The following NEMP2 variants were observed in gnomAD, a reference collection of about 807,000 sequenced individuals.
The protein encoded by NEMP2 is nuclear envelope integral membrane protein 2.
Under a neutral mutation model 54.2 loss-of-function variants are expected in NEMP2, and 53 were observed. The observed-to-expected ratio is 0.98, with a 90% CI of 0.78 to 1.23. NEMP2 has a LOEUF of 1.23. Among genes scored for constraint, NEMP2 ranks in the 50% most tolerant of loss-of-function variants. The probability of loss-of-function intolerance (pLI) is 0.00; values close to 1 mark genes in which losing one functional copy is unlikely to be tolerated. For missense variants in NEMP2, 455 were observed against 511.3 expected, an observed-to-expected ratio of 0.89 and a Z score of 1.06; for synonymous variants, 197 against 190.3, an observed-to-expected ratio of 1.04 and a Z score of -0.29.
chr2:190,493,366 G>A, the NEMP2 span, among the ~76,000 whole-genome samples: 64 of 152,074 alleles, frequency 4.2e-4, no homozygotes, highest in African/African-American at 1.5e-3. Flanking sequence ...TAACACTGGA[G>A]CTCCCAAATT....
At chr2:190,587,257 A>C in the NEMP2 span, among the ~76,000 whole-genome samples, 1 of 152,164 alleles carries the variant, frequency 6.6e-6, no homozygotes, top group African/African-American at 2.4e-5. The surrounding 1 kb of genome is among the most constrained non-coding windows in gnomAD (Gnocchi z 5.4). Context: ...TCTCTGGAGC[A>C]AAGGGCAGGC....
chr2:190,476,058 A>C, the NEMP2 span, among the ~76,000 whole-genome samples: 11 of 152,208 alleles, frequency 7.2e-5, no homozygotes, highest in Non-Finnish European at 1.6e-4. Context: ...TACAGAAATT[A>C]ATTCAAGATG....
the NEMP2 span, chr2:190,454,039 C>G: frequency 2.0e-5 from 3 of 152,126 alleles, no homozygotes; most frequent in Non-Finnish European, 2.9e-5. The surrounding 1 kb of genome is among the most constrained non-coding windows in gnomAD (Gnocchi z 4.6). Flanking sequence ...CTAAATCAGT[C>G]CTTGTTTTAG....
the NEMP2 span, among the ~76,000 whole-genome samples, chr2:190,613,620 C>T: frequency 2.6e-5 from 4 of 152,088 alleles, no homozygotes; most frequent in African/African-American, 9.7e-5. Flanking sequence ...TGGAGTCTCA[C>T]TCTGTCACCC....
At chr2:190,455,295 A>G in the NEMP2 span, among the ~76,000 whole-genome samples, 1 of 152,190 alleles carries the variant, frequency 6.6e-6, no homozygotes, top group Admixed American at 6.5e-5. Flanking sequence ...ATTAAATTTT[A>G]TTAGAAATCT....
chr2:190,466,218 A>G, the NEMP2 span, among the ~76,000 whole-genome samples: 7 of 152,156 alleles, frequency 4.6e-5, no homozygotes, highest in Admixed American at 1.3e-4. Context: ...TCCAAATACA[A>G]TCACATTTTG....
At chr2:190,538,891 T>C (rs778761155), upstream of NEMP2, among the ~76,000 whole-genome samples, 2 of 152,250 alleles carry the variant, frequency 1.3e-5, no homozygotes, top group African/African-American at 2.4e-5. The surrounding 1 kb of genome is among the most constrained non-coding windows in gnomAD (Gnocchi z 4.1). Flanking sequence ...TTTGCAAATA[T>C]TTTCTCTCAT....
At chr2:190,436,696 G>C in the NEMP2 span, 2 of 1,614,160 alleles carry the variant, frequency 1.2e-6, no homozygotes, top group Non-Finnish European at 8.5e-7. This position sits in a 1 kb window ranked among gnomAD's most constrained non-coding sequence, Gnocchi z 5.3. Flanking sequence ...CATGAACAGT[G>C]AACCCACTCT....
the NEMP2 span, chr2:190,454,091 A>G: frequency 3.9e-5 from 6 of 152,186 alleles, no homozygotes; most frequent in Non-Finnish European, 8.8e-5. The surrounding 1 kb of genome is among the most constrained non-coding windows in gnomAD (Gnocchi z 4.6). Flanking sequence ...CTCGCAATTT[A>G]TAGTTTTAAC....
At chr2:190,465,266 A>G in the NEMP2 span, among the ~76,000 whole-genome samples, 1 of 152,140 alleles carries the variant, frequency 6.6e-6, no homozygotes, top group Admixed American at 6.5e-5. This position sits in a 1 kb window ranked among gnomAD's most constrained non-coding sequence, Gnocchi z 4.6. Context: ...GTTCCTCTTT[A>G]TAGATAACTT....
the NEMP2 span, chr2:190,609,307 C>A: frequency 6.6e-6 from 1 of 152,084 alleles, no homozygotes; most frequent in Non-Finnish European, 1.5e-5. The surrounding 1 kb of genome is among the most constrained non-coding windows in gnomAD (Gnocchi z 4.7). Context: ...CCTTCTAGAG[C>A]CTCAGTAAGT....
Position 190,532,540 on chromosome 2 carries a change from C to A in NEMP2, c.97+2019G>T, listed in dbSNP as rs556962909. Reference sequence around the variant, plus strand: ...AACTCTTGAAGTTTCTCCTCTCAGTCAGACAACTACCTGCTCCTCCTGTGT... The same window carrying A: ...AACTCTTGAAGTTTCTCCTCTCAGTAAGACAACTACCTGCTCCTCCTGTGT... On this transcript the variant is annotated intron_variant, in intron 1 of 8. Coordinates refer to ENST00000409150, the MANE Select transcript of NEMP2 (RefSeq NM_001142645.2). 1.2e-4 allele frequency among the ~76,000 whole-genome samples: 18 copies of A among 152,322 alleles called. No homozygotes were observed. In the East Asian group the frequency reaches 2.5e-3, roughly 21 times the overall value.
At chr2:190,474,848 C>T in the NEMP2 span, among the ~76,000 whole-genome samples, 1 of 152,176 alleles carries the variant, frequency 6.6e-6, no homozygotes, top group African/African-American at 2.4e-5. Flanking sequence ...TCCAGCAGCA[C>T]ATCAAAAAGC....
At position 190,522,274 on chromosome 2, in the gene NEMP2, T is replaced by C. The variant is rs892172824; in HGVS notation, c.213+2989A>G. Among the ~76,000 whole-genome samples, 2 of 152,054 alleles carry C rather than the reference T, an allele frequency of 1.3e-5. No individual in the cohort carries two copies. The highest frequency in any genetic ancestry group is 1.5e-5 in the Non-Finnish European group (1 of 67,998). ...TTGAAAATCTACTGATTGGGTACTA[T>C]GGTCACTAGTTGGGGGATGGGTTCA... On this transcript the variant is annotated intron_variant, in intron 2 of 8. Transcript: ENST00000409150. This position sits in a 1 kb window ranked among gnomAD's most constrained non-coding sequence, Gnocchi z 5.0.
At chr2:190,587,267 C>G in the NEMP2 span, among the ~76,000 whole-genome samples, 134 of 152,246 alleles carry the variant, frequency 8.8e-4, 1 homozygote, top group African/African-American at 2.8e-3. The surrounding 1 kb of genome is among the most constrained non-coding windows in gnomAD (Gnocchi z 5.4). Context: ...AAAGGGCAGG[C>G]GTACTTACTG....
At chr2:190,545,047 G>A in the NEMP2 span, among the ~76,000 whole-genome samples, 1 of 151,950 alleles carries the variant, frequency 6.6e-6, no homozygotes, top group Admixed American at 6.6e-5. Context: ...GCCACAGTGA[G>A]CTATGATTAC....
the NEMP2 span, among the ~76,000 whole-genome samples, chr2:190,475,599 A>G: frequency 6.6e-6 from 1 of 152,128 alleles, no homozygotes; most frequent in Non-Finnish European, 1.5e-5. Context: ...ATGCTCATGG[A>G]TAGGAAGAAT....
chr2:190,465,254 G>T, the NEMP2 span, among the ~76,000 whole-genome samples: 4 of 152,114 alleles, frequency 2.6e-5, no homozygotes, highest in African/African-American at 4.8e-5. This position sits in a 1 kb window ranked among gnomAD's most constrained non-coding sequence, Gnocchi z 4.6. Context: ...CTTATCAATT[G>T]TGTTCCTCTT....
At chr2:190,502,466 G>A (rs1246474423), downstream of NEMP2, among the ~76,000 whole-genome samples, 1 of 152,194 alleles carries the variant, frequency 6.6e-6, no homozygotes, top group South Asian at 2.1e-4. This position sits in a 1 kb window ranked among gnomAD's most constrained non-coding sequence, Gnocchi z 4.4. Flanking sequence ...TGCTGAGCTT[G>A]TGTGGATCCA....
Sources: gnomAD v4.1 joint callset for allele counts (sites outside exome capture counted in the v4.1 genomes callset) on GRCh38, gnomAD v4.1.1 for gene constraint, Gnocchi (gnomAD v3.1) non-coding constraint, MANE v1.5 for transcripts, NCBI Gene and HGNC (gene_info 2026-07-23, HGNC 2026-07-21) for gene names.